The following HNRNPDL variants were observed in gnomAD, a reference collection of about 807,000 sequenced individuals.
The protein encoded by HNRNPDL is heterogeneous nuclear ribonucleoprotein D-like.
HNRNPDL carries 18 observed loss-of-function variants against 48.0 expected under a neutral mutation model. That is an observed-to-expected ratio of 0.38 (90% CI 0.26 to 0.56). The LOEUF is 0.56. Among genes scored for constraint, HNRNPDL ranks in the 20% least tolerant of loss-of-function variants. The pLI, the probability that HNRNPDL is intolerant of heterozygous loss-of-function variation, is 0.77. For synonymous variants in HNRNPDL, 306 were observed against 207.3 expected (o/e 1.48, Z -4.09); for missense variants, 553 against 540.7 (o/e 1.02, Z -0.23).
rs1273117471 is a variant in HNRNPDL at position 82,422,814 on chromosome 4, A to G, written c.*2092T>C. On this transcript the variant is annotated 3_prime_UTR_variant, in exon 8 of 8. Coordinates refer to ENST00000295470, the MANE Select transcript of HNRNPDL (RefSeq NM_031372.4). ...ACATCACACAGAATTTGGTCTAAACAATGTAAAAGGCAAATACGATGTAAA... is the reference window on the plus strand; with the variant it reads ...ACATCACACAGAATTTGGTCTAAACGATGTAAAAGGCAAATACGATGTAAA... The G allele has an allele frequency of 6.6e-6, 1 of 152,234 alleles. No individual in the cohort carries two copies. Among genetic ancestry groups the G allele is most frequent in the Non-Finnish European group, 1.5e-5 (1 of 68,034 alleles). 9.4% of individuals were successfully genotyped at this position (152,234 alleles called of 1,614,324 possible).
chr4:82,426,414 A>G, intron 6 of HNRNPDL, 49 bp downstream of exon 6: 7 of 1,504,764 alleles, frequency 4.7e-6, no homozygotes, highest in Non-Finnish European at 6.4e-6. Context: ...GTATGTTAAC[A>G]ATGAATTTTA....
chr4:82,427,299 T>G lies in HNRNPDL; in HGVS notation c.912A>C (p.Glu304Asp). The change falls in exon 5 of 8, where the codon GAA (glutamate) becomes GAC (aspartate). Residue 304 changes from glutamate to aspartate, a missense_variant. Glu to Asp is a conservative substitution (Grantham distance 45). Transcript: ENST00000295470. ...CCTCTTTGGGTTGTGCAACTTTGAT[T>G]TCACACTATAAACAAAAAACATGAA... Reference protein sequence around the residue: ...RYHQIGSGKCEIKVAQPKEVY... With the variant: ...RYHQIGSGKCDIKVAQPKEVY... 6.3e-7 allele frequency: 1 copy of G among 1,589,398 alleles called. No individual in the cohort carries two copies. Among genetic ancestry groups the G allele is most frequent in the Non-Finnish European group, 8.5e-7 (1 of 1,171,012 alleles).
At position 82,429,622 on chromosome 4, in the gene HNRNPDL, G is replaced by T. The variant is rs558448801; in HGVS notation, c.69C>A (p.Ala23=). 1 of 1,378,386 alleles carries T rather than the reference G, an allele frequency of 7.3e-7. No homozygotes were observed. The highest frequency in any genetic ancestry group is 1.7e-5 in the South Asian group (1 of 57,800). The allele number at this position is 1,378,386 out of a possible 1,614,324, so 85.4% of individuals were successfully genotyped here. A position where few individuals can be genotyped will look rare whatever the true frequency, so the allele number is the denominator to read the frequency against. ...PLFPSAPATL[A]SRSLSHWRPR... ...GCCGCCAATGGGAGAGGCTGCGGGAGGCTAAAGTAGCGGGAGCGGAGGGGA... is the reference window on the plus strand; with the variant it reads ...GCCGCCAATGGGAGAGGCTGCGGGATGCTAAAGTAGCGGGAGCGGAGGGGA... Residue 23 remains alanine (A), a synonymous_variant, in exon 1 of 8, where the codon GCC becomes GCA. Transcript: ENST00000295470.
Position 82,429,510 on chromosome 4 carries a change from C to T in HNRNPDL, c.181G>A (p.Val61Ile). The T allele has an allele frequency of 2.0e-6, 3 of 1,526,932 alleles. No homozygotes were observed. The highest frequency in any genetic ancestry group is 2.6e-6 in the Non-Finnish European group (3 of 1,137,390). The allele number at this position is 1,526,932 out of a possible 1,614,324, so 94.6% of individuals were successfully genotyped here. A position where few individuals can be genotyped will look rare whatever the true frequency, so the allele number is the denominator to read the frequency against. The change falls in exon 1 of 8, where the codon GTC (valine) becomes ATC (isoleucine). Residue 61 changes from valine (V) to isoleucine (I), a missense_variant. Physicochemically the swap from Val to Ile is conservative, Grantham distance 29. Around this residue, in one of 4 missense-constraint regions of HNRNPDL, gnomAD observed 327 missense variants for 203.2 expected, o/e 1.61. Transcript: ENST00000295470. The stretch of plus-strand genomic sequence containing the variant: ...AATCGGGAGGGCTGCTGGGCGGTGA[C>T]GTGGCGCTGGGCCCGGCGCGCCCCC... ...RQGARRAQRH[V>I]TAQQPSRLAG...
rs1475999200 is a variant in HNRNPDL at position 82,429,816 on chromosome 4, C to CGCAA, written c.-127_-126insTTGC. 1.7e-6 allele frequency: 1 copy of CGCAA among 602,590 alleles called. No individual in the cohort carries two copies. Among genetic ancestry groups the CGCAA allele is most frequent in the African/African-American group, 1.9e-5 (1 of 51,576 alleles). The allele number at this position is 602,590 out of a possible 1,614,324, so 37.3% of individuals were successfully genotyped here. ...GGTCAGCAGTCCCGAGCAGAGCCGACGCAGGGCCACAGTCCCTCTTGCCTT... is the reference window on the plus strand; with the variant it reads ...GGTCAGCAGTCCCGAGCAGAGCCGACGCAAGCAGGGCCACAGTCCCTCTTGCCTT... On this transcript the variant is annotated 5_prime_UTR_variant, in exon 1 of 8. Coordinates refer to ENST00000295470, the MANE Select transcript of HNRNPDL (RefSeq NM_031372.4).
intron 6 of HNRNPDL, 26 bp downstream of exon 6, chr4:82,426,437 T>C (rs1450140047): frequency 1.3e-6 from 2 of 1,581,944 alleles, no homozygotes; most frequent in Non-Finnish European, 1.7e-6. Context: ...ACCACTGCTT[T>C]ATAAAATTAA....
At position 82,422,578 on chromosome 4, in the gene HNRNPDL, A is replaced by C. The variant is rs367725261; in HGVS notation, c.*2328T>G. The C allele has an allele frequency of 3.1e-4, 47 of 152,304 alleles. No homozygotes were observed. The highest frequency in any genetic ancestry group is 1.1e-3 in the African/African-American group (47 of 41,566). 9.4% of individuals were successfully genotyped at this position (152,304 alleles called of 1,614,324 possible). On this transcript the variant is annotated 3_prime_UTR_variant, in exon 8 of 8. Transcript: ENST00000295470. ...CTTATCCACGCTAGCATCCCAACAG[A>C]CATCTCATTTTAATAGTCCTCATCT... is the stretch of plus-strand genomic sequence containing the variant.
chr4:82,429,669 A>G lies in HNRNPDL; in HGVS notation c.22T>C (p.Ser8Pro), dbSNP rs1440968271. Residue 8 changes from serine to proline, a missense_variant, in exon 1 of 8, where the codon TCC (serine) becomes CCC (proline). This residue lies in a region of HNRNPDL where 327 missense variants were observed against 203.2 expected (regional missense o/e 1.61). Coordinates refer to ENST00000295470, the MANE Select transcript of HNRNPDL (RefSeq NM_031372.4). Reference protein sequence around the residue: MEVPPRLSHVPPPLFPSA... With the variant: MEVPPRLPHVPPPLFPSA... ...GGGAACAATGGCGGCGGCACATGGGAAAGCCTGGGCGGGACCTCCATCGCG... is the reference window on the plus strand; with the variant it reads ...GGGAACAATGGCGGCGGCACATGGGGAAGCCTGGGCGGGACCTCCATCGCG... 3.7e-6 allele frequency: 5 copies of G among 1,361,538 alleles called. No individual in the cohort carries two copies. The highest frequency in any genetic ancestry group is 6.1e-5 in the East Asian group (2 of 32,968). 84.3% of individuals were successfully genotyped at this position (1,361,538 alleles called of 1,614,324 possible).
Position 82,429,538 on chromosome 4 carries a change from C to G in HNRNPDL, c.153G>C (p.Arg51=), listed in dbSNP as rs370944367. ...LLPSLAPSSA[R]QGARRAQRHV... ...GGCGCTGGGCCCGGCGCGCCCCCTG[C>G]CGGGCGGAGCTGGGAGCGAGCGAAG... The change falls in exon 1 of 8, where the codon CGG becomes CGC. Residue 51 remains arginine (R), a synonymous_variant. Transcript: ENST00000295470. 6.8e-7 allele frequency: 1 copy of G among 1,477,828 alleles called. No individual in the cohort carries two copies. Among genetic ancestry groups the G allele is most frequent in the Non-Finnish European group, 8.9e-7 (1 of 1,117,672 alleles). The allele number at this position is 1,477,828 out of a possible 1,614,324, so 91.5% of individuals were successfully genotyped here.
rs370279130 is a variant in HNRNPDL at position 82,429,361 on chromosome 4, C to T, written c.330G>A (p.Gln110=). 196 of 1,613,616 alleles carry T rather than the reference C, an allele frequency of 1.2e-4. No individual in the cohort carries two copies. In the African/African-American group the frequency reaches 2.2e-3, roughly 18 times the overall value. The part of the protein sequence containing the change: ...AAAAATRTAR[Q]HPPADSSVTM... ...TGACGGAGCTGTCGGCAGGGGGGTG[C>T]TGGCGCGCAGTCCGGGTCGCGGCAG... The change falls in exon 1 of 8, where the codon CAG becomes CAA. Residue 110 remains glutamine, a synonymous_variant. Transcript: ENST00000295470.
intron 1 of HNRNPDL, 32 bp downstream of exon 1, chr4:82,429,216 G>T: frequency 1.2e-6 from 2 of 1,601,782 alleles, no homozygotes; most frequent in Non-Finnish European, 1.7e-6. Context: ...GCGCGCTGGG[G>T]GAGGGGGAGC....
In HNRNPDL at chr4:82,423,804, T is replaced by C. The variant is rs1352393748; in HGVS notation, c.*1102A>G. The C allele has an allele frequency of 7.5e-6, 1 of 133,592 alleles. No homozygotes were observed. Among genetic ancestry groups the C allele is most frequent in the Non-Finnish European group, 1.7e-5 (1 of 58,996 alleles). The allele number at this position is 133,592 out of a possible 1,614,324, so 8.3% of individuals were successfully genotyped here. The stretch of plus-strand genomic sequence containing the variant: ...TCACATTTGTAATGACTTAGTCACA[T>C]TTGTAATGACTTTGTCATAACCAAG... On this transcript the variant is annotated 3_prime_UTR_variant, in exon 8 of 8. Transcript: ENST00000295470.
At chr4:82,426,933 C>T (rs549987832) in intron 5 of HNRNPDL, among the ~76,000 whole-genome samples, 5 of 152,232 alleles carry the variant, frequency 3.3e-5, no homozygotes, top group Admixed American at 6.5e-5. Flanking sequence ...TATCACACCA[C>T]GGTGTATCAT....
In HNRNPDL at chr4:82,426,457, T is replaced by C; in HGVS notation, c.1192+6A>G. On this transcript the variant is annotated splice_donor_region_variant and intron_variant, in intron 6 of 7. Transcript: ENST00000295470. ...TGCTTTATAAAATTAAGTTAAATAT[T>C]CTTACCACTGTAGTCTGCATATCCC... 1 of 1,603,582 alleles carries C rather than the reference T, an allele frequency of 6.2e-7. No individual in the cohort carries two copies. Among genetic ancestry groups the C allele is most frequent in the Non-Finnish European group, 8.5e-7 (1 of 1,171,740 alleles).
At position 82,428,428 on chromosome 4, in the gene HNRNPDL, G is replaced by A. The variant is rs1274192912; in HGVS notation, c.462C>T (p.Gly154=). 4 of 1,604,208 alleles carry A rather than the reference G, an allele frequency of 2.5e-6. No individual in the cohort carries two copies. Among genetic ancestry groups the A allele is most frequent in the Non-Finnish European group, 3.4e-6 (4 of 1,174,522 alleles). The change falls in exon 2 of 8, where the codon GGC becomes GGT. Residue 154 remains glycine, a synonymous_variant. Coordinates refer to ENST00000295470, the MANE Select transcript of HNRNPDL (RefSeq NM_031372.4). ...QQDDGKMFIG[G]LSWDTSKKDL... ...CTTTTTTGCTTGTATCCCAGCTCAA[G>A]CCTCCAATAAACATTTTACTAGAAA...
chr4:82,427,597 A>C, intron 3 of HNRNPDL, 33 bp from the exon 4 acceptor site: 2 of 1,599,594 alleles, frequency 1.3e-6, no homozygotes, highest in Non-Finnish European at 1.7e-6. Flanking sequence ...ACGTCATCCC[A>C]TAATTGTAAA....
chr4:82,425,077 A>C (rs1460790825), intron 7 of HNRNPDL, 194 bp from the exon 8 acceptor site: 1 of 152,214 alleles, frequency 6.6e-6, no homozygotes, highest in Admixed American at 6.5e-5. Flanking sequence ...ATTAAATTCA[A>C]ATCTATTCAG....
chr4:82,429,344 C>T lies in HNRNPDL; in HGVS notation c.347G>A (p.Ser116Asn). Reference sequence around the variant, plus strand: ...GTTCATATCCTCCATAGTGACGGAGCTGTCGGCAGGGGGGTGCTGGCGCGC... The same window carrying T: ...GTTCATATCCTCCATAGTGACGGAGTTGTCGGCAGGGGGGTGCTGGCGCGC... ...RTARQHPPAD[S>N]SVTMEDMNEY... Residue 116 changes from serine (S) to asparagine (N), a missense_variant, in exon 1 of 8, where the codon AGC becomes AAC. Around this residue, in one of 4 missense-constraint regions of HNRNPDL, gnomAD observed 327 missense variants for 203.2 expected, o/e 1.61. Transcript: ENST00000295470. The T allele has an allele frequency of 6.2e-7, 1 of 1,613,900 alleles. No individual in the cohort carries two copies. Among genetic ancestry groups the T allele is most frequent in the Non-Finnish European group, 8.5e-7 (1 of 1,179,910 alleles).
Position 82,428,040 on chromosome 4 carries a change from T to A in HNRNPDL, c.752A>T (p.Glu251Val). 1 of 1,614,064 alleles carries A rather than the reference T, an allele frequency of 6.2e-7. No homozygotes were observed. The highest frequency in any genetic ancestry group is 8.5e-7 in the Non-Finnish European group (1 of 1,179,990). Residue 251 changes from glutamate (E) to valine (V), a missense_variant, in exon 3 of 8, where the codon GAA becomes GTA. Glu to Val is a moderately radical substitution (Grantham distance 121). This residue lies in a region of HNRNPDL where 174 missense variants were observed against 204.6 expected (regional missense o/e 0.85). Transcript: ENST00000295470. Reference sequence around the variant, plus strand: ...CACCTCTCCAAAGGCTCCAAAATATTCTTTAATTTGTTCTTCAGAAGTATC... The same window carrying A: ...CACCTCTCCAAAGGCTCCAAAATATACTTTAATTTGTTCTTCAGAAGTATC... ...SPDTSEEQIK[E>V]YFGAFGEIEN...
Sources: allele counts gnomAD v4.1 joint callset (sites outside exome capture counted in the v4.1 genomes callset), GRCh38; gene constraint gnomAD v4.1.1; regional missense constraint gnomAD v4.1.1; transcripts MANE v1.5; gene names NCBI Gene and HGNC (gene_info 2026-07-23, HGNC 2026-07-21).